The following VPS13B variants were observed in gnomAD, a reference collection of about 807,000 sequenced individuals.
VPS13B encodes vacuolar protein sorting 13 homolog B.
VPS13B carries 285 observed loss-of-function variants against 426.4 expected under a neutral mutation model. The observed-to-expected ratio is 0.67, with a 90% confidence interval of 0.61 to 0.74. The LOEUF is 0.74. Ranked by LOEUF, VPS13B falls within the 30% of genes least tolerant of loss-of-function variation. The probability of loss-of-function intolerance (pLI) is 0.00; values close to 1 mark genes in which losing one functional copy is unlikely to be tolerated. For missense variants in VPS13B, 4,537 were observed against 4,782.6 expected, an observed-to-expected ratio of 0.95 and a Z score of 1.51; for synonymous variants, 1,676 against 1,676.4, an observed-to-expected ratio of 1.00 and a Z score of 0.01.
intron 15 of VPS13B, among the ~76,000 whole-genome samples, chr8:99,164,030 C>G (rs1004654419): frequency 6.6e-6 from 1 of 152,188 alleles, no homozygotes; most frequent in Non-Finnish European, 1.5e-5. Context: ...CTAGCTACTT[C>G]CTGCTGGATA....
intron 39 of VPS13B, among the ~76,000 whole-genome samples, chr8:99,740,725 G>C (rs948485743): frequency 3.7e-4 from 56 of 152,254 alleles, no homozygotes; most frequent in Middle Eastern, 3.4e-3. Context: ...GCCAAACTAA[G>C]CTTCATAAGT....
At chr8:99,281,443 C>G (rs1819166499) in intron 19 of VPS13B, among the ~76,000 whole-genome samples, 1 of 152,192 alleles carries the variant, frequency 6.6e-6, no homozygotes, top group Non-Finnish European at 1.5e-5. Context: ...CCTTGGAAGA[C>G]AAGTATCATG....
chr8:99,448,683 A>G (rs1166333886), intron 23 of VPS13B, among the ~76,000 whole-genome samples: 1 of 152,204 alleles, frequency 6.6e-6, no homozygotes, highest in Non-Finnish European at 1.5e-5. Context: ...GATGGCATGA[A>G]TTAGACTGCT....
intron 20 of VPS13B, among the ~76,000 whole-genome samples, chr8:99,384,656 T>C (rs1012038154): frequency 6.6e-6 from 1 of 152,154 alleles, no homozygotes; most frequent in Non-Finnish European, 1.5e-5. Flanking sequence ...AGTAAATGAA[T>C]GTTGGCTTGT....
chr8:99,842,364 C>A (rs958026275), intron 54 of VPS13B, among the ~76,000 whole-genome samples: 8 of 152,002 alleles, frequency 5.3e-5, no homozygotes, highest in Non-Finnish European at 8.8e-5. Flanking sequence ...CCCAACACTT[C>A]AGGAGGCTGA....
chr8:99,492,466 C>T (rs948778029), intron 25 of VPS13B, among the ~76,000 whole-genome samples: 1 of 152,202 alleles, frequency 6.6e-6, no homozygotes, highest in African/African-American at 2.4e-5. Flanking sequence ...TATGCCCTGC[C>T]CACAGAGGTG....
At chr8:99,829,338 T>C (rs1814912113) in intron 51 of VPS13B, among the ~76,000 whole-genome samples, 1 of 152,242 alleles carries the variant, frequency 6.6e-6, no homozygotes, top group Non-Finnish European at 1.5e-5. Context: ...CTTTATTTCA[T>C]TAAGTTGGTC....
intron 17 of VPS13B, among the ~76,000 whole-genome samples, chr8:99,260,341 A>T (rs542109768): frequency 6.6e-6 from 1 of 152,226 alleles, no homozygotes; most frequent in Non-Finnish European, 1.5e-5. Context: ...GTGAATCTTC[A>T]GACCTGAGAA....
At chr8:99,691,247 C>CTG (rs144300139) in intron 35 of VPS13B, among the ~76,000 whole-genome samples, 4,165 of 146,966 alleles carry the variant, frequency 0.028, 66 homozygotes, top group South Asian at 0.045. Flanking sequence ...GTATGGGATA[C>CTG]TGTGTGTGTG....
intron 35 of VPS13B, among the ~76,000 whole-genome samples, chr8:99,671,767 C>T (rs764981038): frequency 2.0e-5 from 3 of 152,042 alleles, no homozygotes; most frequent in Non-Finnish European, 4.4e-5. Context: ...AAGGGATCCT[C>T]CTGCCTCAGC....
intron 15 of VPS13B, among the ~76,000 whole-genome samples, chr8:99,162,873 C>T (rs1811750370): frequency 6.6e-6 from 1 of 152,124 alleles, no homozygotes; most frequent in African/African-American, 2.4e-5. Context: ...TTATCTGGCC[C>T]CACCCACATC....
intron 39 of VPS13B, among the ~76,000 whole-genome samples, chr8:99,741,105 C>T (rs1189528603): frequency 6.6e-6 from 1 of 151,964 alleles, no homozygotes; most frequent in East Asian, 1.9e-4. Context: ...CACAGATAGG[C>T]TCAAAATAAA....
intron 43 of VPS13B, chr8:99,799,318 G>A (rs891519411): frequency 9.9e-5 from 15 of 152,138 alleles, no homozygotes; most frequent in Admixed American, 2.6e-4. Flanking sequence ...CTGGAGTCAG[G>A]GACTTCCCTT....
chr8:99,475,893 G>A (rs920494572), intron 24 of VPS13B, among the ~76,000 whole-genome samples: 8 of 152,200 alleles, frequency 5.3e-5, no homozygotes, highest in African/African-American at 1.9e-4. Context: ...ATTTTTACTC[G>A]AAATGTAGTA....
At chr8:99,562,997 C>A (rs1825010846) in intron 31 of VPS13B, among the ~76,000 whole-genome samples, 2 of 152,088 alleles carry the variant, frequency 1.3e-5, no homozygotes, top group South Asian at 4.2e-4. Flanking sequence ...TCAACAACAA[C>A]AACACAATTT....
intron 34 of VPS13B, among the ~76,000 whole-genome samples, chr8:99,654,605 A>G (rs1829953064): frequency 6.6e-6 from 1 of 152,204 alleles, no homozygotes; most frequent in African/African-American, 2.4e-5. Flanking sequence ...CTGTTCTGAT[A>G]GTGACCTCTT....
chr8:99,125,355 C>CTTCCA (rs1848144098), intron 8 of VPS13B, among the ~76,000 whole-genome samples: 1 of 152,230 alleles, frequency 6.6e-6, no homozygotes, highest in Admixed American at 6.5e-5. Flanking sequence ...AAGTCTAGTC[C>CTTCCA]TTCCACATTC....
At chr8:99,229,317 T>C (rs1410923538) in intron 17 of VPS13B, among the ~76,000 whole-genome samples, 3 of 152,220 alleles carry the variant, frequency 2.0e-5, no homozygotes, top group Admixed American at 2.0e-4. Flanking sequence ...GGCTCTGGGC[T>C]TCTCCATGAG....
chr8:99,697,757 A>G (rs1832094724), intron 35 of VPS13B: 2 of 627,708 alleles, frequency 3.2e-6, no homozygotes, highest in Non-Finnish European at 6.1e-6. Context: ...AGGGGAGAAC[A>G]TCATCAGTGT....
Sources: gnomAD v4.1 joint callset for allele counts (sites outside exome capture counted in the v4.1 genomes callset) on GRCh38, gnomAD v4.1.1 for gene constraint, MANE v1.5 for transcripts, NCBI Gene and HGNC (gene_info 2026-07-23, HGNC 2026-07-21) for gene names.